The following ZNF827 variants were observed in gnomAD, a reference collection of about 807,000 sequenced individuals.
ZNF827 encodes zinc finger protein 827.
In ZNF827, 13 loss-of-function variants were observed where a neutral mutation model predicts 102.4. That is an observed-to-expected ratio of 0.13 (90% CI 0.08 to 0.20). The LOEUF (loss-of-function observed/expected upper bound fraction) is 0.20. Ranked by LOEUF, ZNF827 falls within the 10% of genes least tolerant of loss-of-function variation. The probability of loss-of-function intolerance (pLI) is 1.00; values close to 1 mark genes in which losing one functional copy is unlikely to be tolerated. For missense variants in ZNF827, 1,103 were observed against 1,344.4 expected (o/e 0.82, Z 2.81); for synonymous variants, 523 against 536.2 (o/e 0.98, Z 0.34).
chr4:145,930,690 G>C (rs902951677), intron 1 of ZNF827, among the ~76,000 whole-genome samples: 3 of 152,146 alleles, frequency 2.0e-5, no homozygotes, highest in African/African-American at 7.2e-5. Flanking sequence ...ATCCTTTTTA[G>C]GCACACTGAA....
chr4:145,817,923 A>G (rs773380668), intron 8 of ZNF827, among the ~76,000 whole-genome samples: 1 of 152,218 alleles, frequency 6.6e-6, no homozygotes, highest in Non-Finnish European at 1.5e-5. Context: ...TATGAACCAG[A>G]TGATCCATTA....
chr4:145,776,628 AC>A (rs1316054963), intron 9 of ZNF827, among the ~76,000 whole-genome samples: 1 of 150,596 alleles, frequency 6.6e-6, no homozygotes, highest in African/African-American at 2.4e-5. Flanking sequence ...GTGTGTGTGT[AC>A]CCCATGTGTC....
intron 7 of ZNF827, among the ~76,000 whole-genome samples, chr4:145,824,852 A>C (rs1743515240): frequency 6.6e-6 from 1 of 152,260 alleles, no homozygotes; most frequent in Non-Finnish European, 1.5e-5. Flanking sequence ...TTTTAAAAAG[A>C]GAATGTTAAG....
chr4:145,879,323 G>A (rs1749476764), intron 4 of ZNF827, among the ~76,000 whole-genome samples: 1 of 152,146 alleles, frequency 6.6e-6, no homozygotes, highest in African/African-American at 2.4e-5. Flanking sequence ...CTGGCACAGT[G>A]CCCAGCTCAC....
intron 4 of ZNF827, among the ~76,000 whole-genome samples, chr4:145,884,226 T>C (rs1183207852): frequency 6.6e-6 from 1 of 152,126 alleles, no homozygotes; most frequent in Non-Finnish European, 1.5e-5. Flanking sequence ...TCATTTTCCA[T>C]CCCCTACCTT....
Position 145,885,792 on chromosome 4 carries a change from C to T in ZNF827, c.1633G>A (p.Ala545Thr), listed in dbSNP as rs368474421. 4.2e-5 allele frequency: 67 copies of T among 1,611,780 alleles called. No homozygotes were observed. The highest frequency in any genetic ancestry group is 2.4e-4 in the South Asian group (22 of 90,550). Reference protein sequence around the residue: ...SFTLNAADRPANHTKLKDPSE... With the variant: ...SFTLNAADRPTNHTKLKDPSE... Reference sequence around the variant, plus strand: ...GGGTCTTTCAGCTTTGTGTGGTTGGCGGGCCTGTCGGCAGCATTCAAAGTA... The same window carrying T: ...GGGTCTTTCAGCTTTGTGTGGTTGGTGGGCCTGTCGGCAGCATTCAAAGTA... The change falls in exon 4 of 15, where the codon GCC (alanine) becomes ACC (threonine). Residue 545 changes from alanine (A) to threonine (T), a missense_variant. Physicochemically the swap from Ala to Thr is moderately conservative, Grantham distance 58. Transcript: ENST00000508784.
At chr4:145,826,227 C>A (rs1476594282) in intron 7 of ZNF827, among the ~76,000 whole-genome samples, 1 of 152,186 alleles carries the variant, frequency 6.6e-6, no homozygotes, top group East Asian at 1.9e-4. Flanking sequence ...CAATCAATAA[C>A]CCCTCTAGCC....
chr4:145,804,982 C>A (rs927503040), intron 8 of ZNF827, among the ~76,000 whole-genome samples: 1 of 152,208 alleles, frequency 6.6e-6, no homozygotes, highest in African/African-American at 2.4e-5. Context: ...ATCACCTCTT[C>A]AATGGCAGTA....
intron 8 of ZNF827, among the ~76,000 whole-genome samples, chr4:145,812,219 C>T (rs1483703784): frequency 6.6e-6 from 1 of 152,066 alleles, no homozygotes; most frequent in Non-Finnish European, 1.5e-5. Flanking sequence ...AGCCACTGCA[C>T]CAGACCAACT....
intron 3 of ZNF827, among the ~76,000 whole-genome samples, chr4:145,891,157 A>G (rs1750571178): frequency 6.6e-6 from 1 of 152,234 alleles, no homozygotes; most frequent in South Asian, 2.1e-4. Flanking sequence ...TATGATTGCT[A>G]TTAAGATGCT....
intron 2 of ZNF827, 53 bp from the exon 3 acceptor site, chr4:145,892,468 C>A (rs897783702): frequency 2.0e-6 from 3 of 1,526,916 alleles, no homozygotes; most frequent in African/African-American, 2.8e-5. Context: ...AGGTACACTG[C>A]ATCTGGCATT....
intron 5 of ZNF827, among the ~76,000 whole-genome samples, chr4:145,860,585 A>C (rs541321363): frequency 3.3e-5 from 5 of 152,162 alleles, no homozygotes; most frequent in Non-Finnish European, 7.4e-5. Context: ...CCAGCTGTGG[A>C]GATAAGTGAT....
chr4:145,799,115 C>T (rs1473400934), intron 8 of ZNF827, among the ~76,000 whole-genome samples: 1 of 150,258 alleles, frequency 6.7e-6, no homozygotes. Flanking sequence ...AGCAGATCTC[C>T]CGTTTTGATA....
intron 7 of ZNF827, among the ~76,000 whole-genome samples, chr4:145,838,676 A>G (rs959660242): frequency 6.6e-6 from 1 of 152,220 alleles, no homozygotes; most frequent in Admixed American, 6.5e-5. Context: ...AATCTTATAT[A>G]TTGTTAGGTG....
chr4:145,765,125 C>G lies in ZNF827; in HGVS notation c.3093G>C (p.Lys1031Asn). The change falls in exon 13 of 15, where the codon AAG (lysine) becomes AAC (asparagine). Residue 1031 changes from lysine (K) to asparagine (N), a missense_variant. Physicochemically the swap from Lys to Asn is moderately conservative, Grantham distance 94 (BLOSUM62 0). Coordinates refer to ENST00000508784, the MANE Select transcript of ZNF827 (RefSeq NM_001306215.2). This position sits in a 1 kb window ranked among gnomAD's most constrained non-coding sequence, Gnocchi z 4.7. ...CVFCNFVCKT[K>N]NMFERHLQIH... The stretch of plus-strand genomic sequence containing the variant: ...TCTGCAGATGACGCTCAAACATGTT[C>G]TTCGTCTTGCAGACAAAGTTGCAAA... 2.5e-6 allele frequency: 4 copies of G among 1,613,736 alleles called. No homozygotes were observed. The highest frequency in any genetic ancestry group is 3.4e-6 in the Non-Finnish European group (4 of 1,179,830).
Position 145,823,407 on chromosome 4 carries a change from A to T in ZNF827, c.2383+15T>A. 6.2e-7 allele frequency: 1 copy of T among 1,607,648 alleles called. No homozygotes were observed. The highest frequency in any genetic ancestry group is 2.2e-5 in the East Asian group (1 of 44,850). On this transcript the variant is annotated intron_variant, in intron 8 of 14. Coordinates refer to ENST00000508784, the MANE Select transcript of ZNF827 (RefSeq NM_001306215.2). ...GCAATCAACAGTAGAAGCAAAGCCA[A>T]CAATGTTTCCATACCTGGAGCTGAT... is the stretch of plus-strand genomic sequence containing the variant.
chr4:145,894,205 A>C (rs889534699), intron 2 of ZNF827, among the ~76,000 whole-genome samples: 1 of 152,202 alleles, frequency 6.6e-6, no homozygotes, highest in African/African-American at 2.4e-5. Flanking sequence ...ACTTGAGAAA[A>C]AATAAAGGGA....
chr4:145,823,573 A>G, intron 7 of ZNF827, 48 bp from the exon 8 acceptor site: 1 of 1,313,476 alleles, frequency 7.6e-7, no homozygotes. Context: ...AAGTTATTTA[A>G]GACACCCAGA....
intron 6 of ZNF827, among the ~76,000 whole-genome samples, 164 bp downstream of exon 6, chr4:145,849,158 T>C (rs1253800206): frequency 1.3e-5 from 2 of 152,206 alleles, no homozygotes; most frequent in Non-Finnish European, 2.9e-5. Flanking sequence ...GGCAACACTT[T>C]ATTAACTGTT....
Sources: gnomAD v4.1 joint callset for allele counts (sites outside exome capture counted in the v4.1 genomes callset) on GRCh38, gnomAD v4.1.1 for gene constraint, Gnocchi (gnomAD v3.1) non-coding constraint, MANE v1.5 for transcripts, NCBI Gene and HGNC (gene_info 2026-07-23, HGNC 2026-07-21) for gene names.